GALNT13: variants seen among roughly 807,000 people sequenced by gnomAD.
The protein encoded by GALNT13 is UDP-GalNAc:polypeptide N-acetylgalactosaminyltransferase 13.
GALNT13 carries 28 observed loss-of-function variants against 64.2 expected under a neutral mutation model. That is an observed-to-expected ratio of 0.44 (90% CI 0.32 to 0.60). The LOEUF is 0.60. GALNT13 is among the 20% of genes least tolerant of loss of function. The pLI is 0.05. For synonymous variants in GALNT13, 214 were observed against 224.6 expected (o/e 0.95, Z 0.42); for missense variants, 577 against 669.8 (o/e 0.86, Z 1.53).
At chr2:153,733,027 T>C in the GALNT13 span, among the ~76,000 whole-genome samples, 1 of 152,086 alleles carries the variant, frequency 6.6e-6, no homozygotes, top group Non-Finnish European at 1.5e-5. Flanking sequence ...GCAACATATC[T>C]AAGGATAAAA....
the GALNT13 span, among the ~76,000 whole-genome samples, chr2:153,302,202 C>T: frequency 6.6e-6 from 1 of 152,136 alleles, no homozygotes; most frequent in South Asian, 2.1e-4. Context: ...TCTCCCCATC[C>T]TCATCAATGT....
At chr2:153,978,981 C>T (rs565661386) in intron 3 of GALNT13, among the ~76,000 whole-genome samples, 10 of 152,064 alleles carry the variant, frequency 6.6e-5, no homozygotes, top group Admixed American at 4.6e-4. Context: ...AATAACAATA[C>T]AGTAATATGC....
At chr2:153,781,299 C>T in the GALNT13 span, among the ~76,000 whole-genome samples, 1 of 152,146 alleles carries the variant, frequency 6.6e-6, no homozygotes, top group African/African-American at 2.4e-5. Flanking sequence ...ATTAGCTTTG[C>T]CACTGAGCAG....
chr2:153,278,614 C>A, the GALNT13 span, among the ~76,000 whole-genome samples: 49 of 152,114 alleles, frequency 3.2e-4, no homozygotes, highest in African/African-American at 9.9e-4. Context: ...AATAGGGATT[C>A]TTTTCTCCAT....
intron 11 of GALNT13, among the ~76,000 whole-genome samples, chr2:154,413,483 C>G (rs764899198): frequency 3.3e-5 from 5 of 151,954 alleles, no homozygotes; most frequent in Non-Finnish European, 7.4e-5. Flanking sequence ...CAGCAGCTTT[C>G]CACTGCCCAA....
At chr2:153,431,531 C>A in the GALNT13 span, among the ~76,000 whole-genome samples, 4 of 152,150 alleles carry the variant, frequency 2.6e-5, no homozygotes, top group Non-Finnish European at 5.9e-5. Context: ...AGTAGTTTTG[C>A]CCCTTGGTTC....
the GALNT13 span, among the ~76,000 whole-genome samples, chr2:153,712,865 T>C: frequency 6.6e-6 from 1 of 152,150 alleles, no homozygotes; most frequent in African/African-American, 2.4e-5. Flanking sequence ...CTGTGTCCCA[T>C]AGAGATCAAA....
chr2:154,149,798 A>G (rs1418360107), intron 4 of GALNT13, among the ~76,000 whole-genome samples: 1 of 152,210 alleles, frequency 6.6e-6, no homozygotes, highest in Non-Finnish European at 1.5e-5. Context: ...ACTTTGCTGA[A>G]GTTGCTTATC....
At chr2:154,014,170 C>T (rs941122125) in intron 3 of GALNT13, among the ~76,000 whole-genome samples, 1 of 152,196 alleles carries the variant, frequency 6.6e-6, no homozygotes, top group Non-Finnish European at 1.5e-5. Context: ...GGGGGATAGA[C>T]ATCCCTGGCC....
At chr2:153,362,159 A>G in the GALNT13 span, among the ~76,000 whole-genome samples, 1 of 152,220 alleles carries the variant, frequency 6.6e-6, no homozygotes, top group African/African-American at 2.4e-5. Flanking sequence ...TCCTTTTCAG[A>G]CAAGCAAATA....
At chr2:153,291,742 A>G in the GALNT13 span, among the ~76,000 whole-genome samples, 4 of 60,262 alleles carry the variant, frequency 6.6e-5, no homozygotes, top group Non-Finnish European at 1.2e-4. Context: ...TGTGTTCAAA[A>G]GGAAAAAAAA....
At chr2:153,451,752 C>T in the GALNT13 span, among the ~76,000 whole-genome samples, 1 of 152,146 alleles carries the variant, frequency 6.6e-6, no homozygotes, top group Non-Finnish European at 1.5e-5. Context: ...GAAATAGTGT[C>T]CCCAGGCAGT....
chr2:154,129,999 G>A (rs931131994), intron 3 of GALNT13, among the ~76,000 whole-genome samples: 1 of 152,084 alleles, frequency 6.6e-6, no homozygotes, highest in Non-Finnish European at 1.5e-5. Context: ...ATTTCTGCCT[G>A]ATGGAACGAT....
intron 9 of GALNT13, among the ~76,000 whole-genome samples, chr2:154,359,221 A>G (rs1349464961): frequency 6.6e-6 from 1 of 152,118 alleles, no homozygotes; most frequent in African/African-American, 2.4e-5. Flanking sequence ...TAGACCGGGT[A>G]TCCTATTCAA....
At chr2:154,010,680 A>G (rs536997347) in intron 3 of GALNT13, among the ~76,000 whole-genome samples, 15 of 152,086 alleles carry the variant, frequency 9.9e-5, no homozygotes, top group Admixed American at 1.3e-4. Flanking sequence ...TGTGGTTCAT[A>G]TATCTGGTAG....
chr2:154,121,790 T>A (rs1323487188), intron 3 of GALNT13, among the ~76,000 whole-genome samples: 1 of 152,078 alleles, frequency 6.6e-6, no homozygotes, highest in Non-Finnish European at 1.5e-5. Flanking sequence ...CAATATGTCA[T>A]GTGCAAGTAA....
At chr2:153,093,645 T>C in the GALNT13 span, among the ~76,000 whole-genome samples, 1 of 152,174 alleles carries the variant, frequency 6.6e-6, no homozygotes, top group African/African-American at 2.4e-5. Context: ...TTTCTTTTTT[T>C]GATGTGTGTT....
At chr2:153,576,936 A>G in the GALNT13 span, among the ~76,000 whole-genome samples, 1 of 151,966 alleles carries the variant, frequency 6.6e-6, no homozygotes, top group African/African-American at 2.4e-5. Context: ...AAAAATCTTT[A>G]TTTACTTCAA....
At chr2:154,406,873 T>C (rs1028544143) in intron 10 of GALNT13, among the ~76,000 whole-genome samples, 2 of 152,208 alleles carry the variant, frequency 1.3e-5, no homozygotes, top group South Asian at 4.1e-4. Flanking sequence ...TACTACTCAA[T>C]TGAATAAATG....
Sources: allele counts gnomAD v4.1 joint callset (sites outside exome capture counted in the v4.1 genomes callset), GRCh38; gene constraint gnomAD v4.1.1; transcripts MANE v1.5; gene names NCBI Gene and HGNC (gene_info 2026-07-23, HGNC 2026-07-21).